Variants in KANK1 observed in about 807,000 individuals in gnomAD.
KANK1 encodes KN motif and ankyrin repeat domains 1.
Under a neutral mutation model 106.2 loss-of-function variants are expected in KANK1, and 109 were observed. The observed-to-expected ratio is 1.03, with a 90% confidence interval of 0.88 to 1.20. The LOEUF (loss-of-function observed/expected upper bound fraction) is 1.20. KANK1 is among the 50% of genes most tolerant of loss of function. The pLI, the probability that KANK1 is intolerant of heterozygous loss-of-function variation, is 0.00. For missense variants in KANK1, 2,399 were observed against 1,710.7 expected, an observed-to-expected ratio of 1.40 and a Z score of -7.10; for synonymous variants, 873 against 652.2, an observed-to-expected ratio of 1.34 and a Z score of -5.16.
chr9:505,800 C>G (rs1033873225), intron 1 of KANK1, among the ~76,000 whole-genome samples: 3 of 152,216 alleles, frequency 2.0e-5, no homozygotes, highest in Non-Finnish European at 2.9e-5. Context: ...CTTAATCATC[C>G]AGATGTGTAA....
chr9:651,512 T>C (rs1397635919), intron 1 of KANK1, among the ~76,000 whole-genome samples: 6 of 152,182 alleles, frequency 3.9e-5, no homozygotes, highest in Admixed American at 6.5e-5. Context: ...GTAAGTACCA[T>C]GCATTGGATA....
chr9:662,627 G>C (rs1843591007), intron 1 of KANK1, among the ~76,000 whole-genome samples: 1 of 151,604 alleles, frequency 6.6e-6, no homozygotes. Flanking sequence ...TTAGAAAGCT[G>C]AAACTGCATC....
In KANK1 at chr9:525,260, G is replaced by C. The variant is rs541604836; in HGVS notation, c.-84+20506G>C. On this transcript the variant is annotated intron_variant, in intron 1 of 11. Coordinates refer to ENST00000382297, the MANE Select transcript of KANK1 (RefSeq NM_015158.5). ...TCCACCCACCTTGGCCTCCCAAAGT[G>C]CTGGGATTACAGGCGTGAGCTACTG... 3.9e-3 allele frequency among the ~76,000 whole-genome samples: 584 copies of C among 151,626 alleles called. 29 individuals carry two copies. The highest frequency in any genetic ancestry group is 0.014 in the African/African-American group (567 of 40,996).
At chr9:677,052 T>C (rs2138880551) in intron 2 of KANK1, 43 bp downstream of exon 2, 1 of 1,561,412 alleles carries the variant, frequency 6.4e-7, no homozygotes, top group Middle Eastern at 1.7e-4. Context: ...TGTATGTCTT[T>C]TCTCAAACTA....
chr9:714,676 TTGTC>T (rs1291372877), intron 3 of KANK1, among the ~76,000 whole-genome samples: 1 of 152,146 alleles, frequency 6.6e-6, no homozygotes, highest in Non-Finnish European at 1.5e-5. Context: ...GCTTACATTT[TTGTC>T]TGTCTTATTC....
chr9:516,840 C>CT (rs1311055319), intron 1 of KANK1, among the ~76,000 whole-genome samples: 13 of 151,674 alleles, frequency 8.6e-5, no homozygotes. Context: ...TAGCAGCCCG[C>CT]TGGGGGGTAC....
rs1330951734 is a variant in KANK1, at chr9:599,969, G to A, written c.-83-76921G>A. ...TTAACAATTTTATACCCACATCAAC[G>A]TATGTCCATGTAAGTCTTTAAGGTA... On this transcript the variant is annotated intron_variant, in intron 1 of 11. Coordinates refer to ENST00000382297, the MANE Select transcript of KANK1 (RefSeq NM_015158.5). Among the ~76,000 whole-genome samples the A allele has an allele frequency of 5.3e-5, 8 of 151,736 alleles. 1 individual carries two copies. The highest frequency in any genetic ancestry group is 1.9e-4 in the African/African-American group (8 of 41,090).
chr9:655,946 G>A (rs1842047377), intron 1 of KANK1, among the ~76,000 whole-genome samples: 1 of 152,206 alleles, frequency 6.6e-6, no homozygotes, highest in Non-Finnish European at 1.5e-5. Flanking sequence ...GATTCACGGA[G>A]TTTGAGGATC....
chr9:710,227 A>G (rs1825565762), intron 2 of KANK1, among the ~76,000 whole-genome samples: 1 of 152,184 alleles, frequency 6.6e-6, no homozygotes, highest in Non-Finnish European at 1.5e-5. Context: ...AAATAATACA[A>G]TCATTATCTC....
chr9:607,806 G>GA (rs1225315976), intron 1 of KANK1, among the ~76,000 whole-genome samples: 1 of 151,428 alleles, frequency 6.6e-6, no homozygotes, highest in African/African-American at 2.4e-5. Context: ...TTTAGGCAAA[G>GA]AAAAAAAGCG....
chr9:743,219 CA>C (rs1216075791), intron 10 of KANK1, among the ~76,000 whole-genome samples: 1 of 152,096 alleles, frequency 6.6e-6, no homozygotes, highest in Non-Finnish European at 1.5e-5. Context: ...CTCAAAACAC[CA>C]AAAAGTTAGG....
At chr9:498,857 AAC>A (rs1203915042) in intron 3 of KANK1, among the ~76,000 whole-genome samples, 2 of 152,198 alleles carry the variant, frequency 1.3e-5, no homozygotes, top group African/African-American at 4.8e-5. Context: ...TACTTTGGAA[AAC>A]AGTTTGGTAG....
At chr9:529,389 TG>T (rs1358311382) in intron 1 of KANK1, among the ~76,000 whole-genome samples, 2 of 151,696 alleles carry the variant, frequency 1.3e-5, no homozygotes, top group African/African-American at 4.8e-5. Flanking sequence ...TCAGTAGAGA[TG>T]GGCTTTCACC....
chr9:616,969 A>G (rs552364268), intron 1 of KANK1, among the ~76,000 whole-genome samples: 10 of 152,336 alleles, frequency 6.6e-5, no homozygotes, highest in African/African-American at 2.4e-4. Flanking sequence ...TTCCTTAGGA[A>G]GGAGCAGGAA....
intron 1 of KANK1, among the ~76,000 whole-genome samples, chr9:675,407 C>G (rs1469849812): frequency 4.6e-5 from 7 of 152,126 alleles, no homozygotes; most frequent in African/African-American, 1.7e-4. Flanking sequence ...AGTTTGGGCA[C>G]AATGGAAATG....
chr9:714,241 G>T (rs1204348969), intron 3 of KANK1, among the ~76,000 whole-genome samples: 1 of 152,106 alleles, frequency 6.6e-6, no homozygotes, highest in Non-Finnish European at 1.5e-5. Flanking sequence ...ATGTCAGGAG[G>T]CGATAAATAC....
At chr9:601,001 A>G (rs1714740527) in intron 1 of KANK1, among the ~76,000 whole-genome samples, 1 of 151,762 alleles carries the variant, frequency 6.6e-6, no homozygotes, top group African/African-American at 2.4e-5. Context: ...ATAATTAACT[A>G]AAGCAGAAGG....
At chr9:584,746 A>G (rs1197110065) in intron 1 of KANK1, among the ~76,000 whole-genome samples, 5 of 152,262 alleles carry the variant, frequency 3.3e-5, no homozygotes, top group Non-Finnish European at 7.3e-5. Context: ...ACTGTCAGTT[A>G]TCTTCAGCTT....
chr9:689,751 G>C (rs1269720272), intron 2 of KANK1, among the ~76,000 whole-genome samples: 1 of 152,102 alleles, frequency 6.6e-6, no homozygotes, highest in East Asian at 1.9e-4. Context: ...GGTTAAAGCA[G>C]CACAATACAG....
Sources: gnomAD v4.1 joint callset for allele counts (sites outside exome capture counted in the v4.1 genomes callset) on GRCh38, gnomAD v4.1.1 for gene constraint, MANE v1.5 for transcripts, NCBI Gene and HGNC (gene_info 2026-07-23, HGNC 2026-07-21) for gene names.